The following ARFIP2 variants were observed in gnomAD, a reference collection of about 807,000 sequenced individuals.
ARFIP2 encodes ARF interacting protein 2.
Under a neutral mutation model 39.2 loss-of-function variants are expected in ARFIP2, and 14 were observed. That is an observed-to-expected ratio of 0.36 (90% CI 0.24 to 0.56). The LOEUF (loss-of-function observed/expected upper bound fraction) is 0.56, where lower values mean the gene tolerates loss of function less well. Among genes scored for constraint, ARFIP2 ranks in the 20% least tolerant of loss-of-function variants. The pLI is 0.85. For missense variants in ARFIP2, 305 were observed against 422.5 expected (o/e 0.72, Z 2.44); for synonymous variants, 167 against 172.4 (o/e 0.97, Z 0.24).
In ARFIP2 at chr11:6,476,919, G is replaced by A. The variant is rs994199243; in HGVS notation, c.*194C>T. 1.4e-5 allele frequency: 8 copies of A among 588,092 alleles called. No individual in the cohort carries two copies. The African/African-American group carries it at 1.5e-4, about 11-fold the overall frequency. The allele number at this position is 588,092 out of a possible 1,614,324, so 36.4% of individuals were successfully genotyped here. ...AGCCCTGTGGCCAGGAAGATAGACA[G>A]GGCAGCAACTTCTGGGCCTCCAGGC... On this transcript the variant is annotated 3_prime_UTR_variant, in exon 8 of 8. Coordinates refer to ENST00000396777, the MANE Select transcript of ARFIP2 (RefSeq NM_001376558.2).
In ARFIP2 at chr11:6,478,117, CAAA is replaced by C; in HGVS notation, c.616_618del (p.Phe206del). 1 of 1,614,084 alleles carries C rather than the reference CAAA, an allele frequency of 6.2e-7. No individual in the cohort carries two copies. Among genetic ancestry groups the C allele is most frequent in the Non-Finnish European group, 8.5e-7 (1 of 1,180,012 alleles). Reference sequence around the variant, plus strand: ...GTGACCAATGTGTTGATGCTAGAGACAAAGAAGTTCACGGCTCCTAGCAGCGTT... The same window carrying C: ...GTGACCAATGTGTTGATGCTAGAGACGAAGTTCACGGCTCCTAGCAGCGTT... On this transcript the variant is annotated inframe_deletion, in exon 6 of 8. Transcript: ENST00000396777. This position sits in a 1 kb window ranked among gnomAD's most constrained non-coding sequence, Gnocchi z 4.8.
In ARFIP2 at chr11:6,479,619, G is replaced by A; in HGVS notation, c.196+353C>T. On this transcript the variant is annotated intron_variant, in intron 3 of 7. Coordinates refer to ENST00000396777, the MANE Select transcript of ARFIP2 (RefSeq NM_001376558.2). ...TGTGGAATCTTAGTGTGAGATTCAG[G>A]GCTGTTTGTTCCTCTAAACTTTAGA... 3 of 556,696 alleles carry A rather than the reference G, an allele frequency of 5.4e-6. No homozygotes were observed. In the South Asian group the frequency reaches 6.9e-5, roughly 13 times the overall value. The allele number at this position is 556,696 out of a possible 1,614,324, so 34.5% of individuals were successfully genotyped here. A position where few individuals can be genotyped will look rare whatever the true frequency, so the allele number is the denominator to read the frequency against.
At chr11:6,479,530 G>C in intron 3 of ARFIP2, 2 of 610,336 alleles carry the variant, frequency 3.3e-6, no homozygotes. Flanking sequence ...AATACACTGA[G>C]TTTGGGGGCA....
rs1851372932 is a variant in ARFIP2, at chr11:6,478,643, T to A, written c.537+95A>T. On this transcript the variant is annotated intron_variant, in intron 5 of 7. Transcript: ENST00000396777. This position sits in a 1 kb window ranked among gnomAD's most constrained non-coding sequence, Gnocchi z 4.8. Reference sequence around the variant, plus strand: ...GGCTGGGCCCACCCTGAAGGGGTTCTCCCTGTGGGCTGCAGGAGGGAGGGA... The same window carrying A: ...GGCTGGGCCCACCCTGAAGGGGTTCACCCTGTGGGCTGCAGGAGGGAGGGA... 2 of 1,515,658 alleles carry A rather than the reference T, an allele frequency of 1.3e-6. No homozygotes were observed. The highest frequency in any genetic ancestry group is 8.9e-7 in the Non-Finnish European group (1 of 1,128,110). The allele number at this position is 1,515,658 out of a possible 1,614,324, so 93.9% of individuals were successfully genotyped here.
At position 6,478,986 on chromosome 11, in the gene ARFIP2, A is replaced by G; in HGVS notation, c.316-27T>C. Reference sequence around the variant, plus strand: ...TGATTGGGAAATGGGGGAATAAATCAGAGACCCTAACAGCCTCCCCACACA... The same window carrying G: ...TGATTGGGAAATGGGGGAATAAATCGGAGACCCTAACAGCCTCCCCACACA... On this transcript the variant is annotated intron_variant, in intron 4 of 7. Coordinates refer to ENST00000396777, the MANE Select transcript of ARFIP2 (RefSeq NM_001376558.2). The surrounding 1 kb of genome is among the most constrained non-coding windows in gnomAD (Gnocchi z 4.8). 1 of 1,610,824 alleles carries G rather than the reference A, an allele frequency of 6.2e-7. No homozygotes were observed. The highest frequency in any genetic ancestry group is 8.5e-7 in the Non-Finnish European group (1 of 1,177,412).
chr11:6,480,518 G>A, intron 1 of ARFIP2, 55 bp from the exon 2 acceptor site: 7 of 897,508 alleles, frequency 7.8e-6, no homozygotes, highest in Admixed American at 3.1e-5. Flanking sequence ...AGAAGAAGGA[G>A]GCCTCCTCTG....
Position 6,478,306 on chromosome 11 carries a change from G to T in ARFIP2, c.538-108C>A. ...CGGGGAGGACACAGCCAGCAAAACT[G>T]GAACAACCAAGGACTGCCTCCAGCA... On this transcript the variant is annotated intron_variant, in intron 5 of 7. Transcript: ENST00000396777. The surrounding 1 kb of genome is among the most constrained non-coding windows in gnomAD (Gnocchi z 4.8). 7.2e-7 allele frequency: 1 copy of T among 1,386,098 alleles called. No homozygotes were observed. The highest frequency in any genetic ancestry group is 1.3e-5 in the South Asian group (1 of 76,906). The allele number at this position is 1,386,098 out of a possible 1,614,324, so 85.9% of individuals were successfully genotyped here.
At chr11:6,479,526 C>T in intron 3 of ARFIP2, 1 of 616,828 alleles carries the variant, frequency 1.6e-6, no homozygotes, top group Non-Finnish European at 2.8e-6. Context: ...AGAAAATACA[C>T]TGAGTTTGGG....
At position 6,478,160 on chromosome 11, in the gene ARFIP2, T is replaced by A; in HGVS notation, c.576A>T (p.Leu192=). 1 of 1,614,062 alleles carries A rather than the reference T, an allele frequency of 6.2e-7. No homozygotes were observed. Among genetic ancestry groups the A allele is most frequent in the African/African-American group, 1.3e-5 (1 of 75,016 alleles). ...FGYNAETQKL[L]CKNGETLLGA... ...CTAGCAGCGTTTCCCCATTCTTGCATAGTAGTTTCTGTGTCTCTGCATTGT... is the reference window on the plus strand; with the variant it reads ...CTAGCAGCGTTTCCCCATTCTTGCAAAGTAGTTTCTGTGTCTCTGCATTGT... The change falls in exon 6 of 8, where the codon CTA becomes CTT. Residue 192 remains leucine (L), a synonymous_variant. Transcript: ENST00000396777. This position sits in a 1 kb window ranked among gnomAD's most constrained non-coding sequence, Gnocchi z 4.8.
rs958437692 is a variant in ARFIP2 at position 6,478,219 on chromosome 11, C to A, written c.538-21G>T. The A allele has an allele frequency of 2.8e-5, 45 of 1,613,456 alleles. No individual in the cohort carries two copies. Among genetic ancestry groups the A allele is most frequent in the Non-Finnish European group, 3.8e-5 (45 of 1,179,662 alleles). On this transcript the variant is annotated intron_variant, in intron 5 of 7. Coordinates refer to ENST00000396777, the MANE Select transcript of ARFIP2 (RefSeq NM_001376558.2). The surrounding 1 kb of genome is among the most constrained non-coding windows in gnomAD (Gnocchi z 4.8). Reference sequence around the variant, plus strand: ...TCCTCCTGAGGGCAGAAGGGAGGAACAGACCTTGAATAACACTCCCTACCT... The same window carrying A: ...TCCTCCTGAGGGCAGAAGGGAGGAAAAGACCTTGAATAACACTCCCTACCT...
chr11:6,481,270 G>A lies in ARFIP2; in HGVS notation c.-82C>T. On this transcript the variant is annotated 5_prime_UTR_variant, in exon 1 of 8. Coordinates refer to ENST00000396777, the MANE Select transcript of ARFIP2 (RefSeq NM_001376558.2). Reference sequence around the variant, plus strand: ...CTCTTCCCCTCAGGGCGCCAGGCCCGGGCCGCGCGGGGACCTCGGGCTCCA... The same window carrying A: ...CTCTTCCCCTCAGGGCGCCAGGCCCAGGCCGCGCGGGGACCTCGGGCTCCA... 1.6e-6 allele frequency: 1 copy of A among 620,684 alleles called. No homozygotes were observed. The highest frequency in any genetic ancestry group is 2.8e-6 in the Non-Finnish European group (1 of 357,606). The allele number at this position is 620,684 out of a possible 1,614,324, so 38.4% of individuals were successfully genotyped here. A position where few individuals can be genotyped will look rare whatever the true frequency, so the allele number is the denominator to read the frequency against.
Position 6,477,590 on chromosome 11 carries a change from T to G in ARFIP2, c.870+128A>C. The G allele has an allele frequency of 9.3e-7, 1 of 1,079,682 alleles. No homozygotes were observed. Among genetic ancestry groups the G allele is most frequent in the Non-Finnish European group, 1.3e-6 (1 of 763,602 alleles). The allele number at this position is 1,079,682 out of a possible 1,614,324, so 66.9% of individuals were successfully genotyped here. A position where few individuals can be genotyped will look rare whatever the true frequency, so the allele number is the denominator to read the frequency against. ...AGGGTGATCTGGAAAGGCCCAGGGG[T>G]TGAGGGGGTGAACACTCTACTCCCC... is the stretch of plus-strand genomic sequence containing the variant. On this transcript the variant is annotated intron_variant, in intron 7 of 7. Coordinates refer to ENST00000396777, the MANE Select transcript of ARFIP2 (RefSeq NM_001376558.2). This position sits in a 1 kb window ranked among gnomAD's most constrained non-coding sequence, Gnocchi z 4.8.
chr11:6,478,202 A>G lies in ARFIP2; in HGVS notation c.538-4T>C. Reference sequence around the variant, plus strand: ...CTGCATTGTAGCCAAATTCCTCCTGAGGGCAGAAGGGAGGAACAGACCTTG... The same window carrying G: ...CTGCATTGTAGCCAAATTCCTCCTGGGGGCAGAAGGGAGGAACAGACCTTG... On this transcript the variant is annotated splice_region_variant and splice_polypyrimidine_tract_variant and intron_variant, in intron 5 of 7. Transcript: ENST00000396777. This position sits in a 1 kb window ranked among gnomAD's most constrained non-coding sequence, Gnocchi z 4.8. The G allele has an allele frequency of 6.2e-7, 1 of 1,613,912 alleles. No homozygotes were observed. The highest frequency in any genetic ancestry group is 8.5e-7 in the Non-Finnish European group (1 of 1,179,940).
rs1329955382 is a variant in ARFIP2, at chr11:6,477,595, G to C, written c.870+123C>G. 3 of 1,132,454 alleles carry C rather than the reference G, an allele frequency of 2.6e-6. No individual in the cohort carries two copies. Among genetic ancestry groups the C allele is most frequent in the Non-Finnish European group, 3.7e-6 (3 of 806,918 alleles). 70.2% of individuals were successfully genotyped at this position (1,132,454 alleles called of 1,614,324 possible). ...GATCTGGAAAGGCCCAGGGGTTGAG[G>C]GGGTGAACACTCTACTCCCCAGCTA... On this transcript the variant is annotated intron_variant, in intron 7 of 7. Coordinates refer to ENST00000396777, the MANE Select transcript of ARFIP2 (RefSeq NM_001376558.2). This position sits in a 1 kb window ranked among gnomAD's most constrained non-coding sequence, Gnocchi z 4.8.
At chr11:6,480,994 G>A (rs1318428769) in intron 1 of ARFIP2, 1 of 179,660 alleles carries the variant, frequency 5.6e-6, no homozygotes, top group Non-Finnish European at 1.2e-5. Context: ...CTCCCCACCA[G>A]GCCTTAGTTA....
intron 3 of ARFIP2, 85 bp downstream of exon 3, chr11:6,479,887 A>C (rs1244745798): frequency 2.2e-6 from 3 of 1,340,212 alleles, no homozygotes; most frequent in Non-Finnish European, 1.1e-6. Context: ...GACATAATTC[A>C]AGCTTTCCTA....
chr11:6,479,320 C>T, intron 3 of ARFIP2, 62 bp from the exon 4 acceptor site: 1 of 1,612,466 alleles, frequency 6.2e-7, no homozygotes, highest in East Asian at 2.2e-5. Context: ...TCTGTGGCCC[C>T]ACCCATACTT....
At position 6,478,536 on chromosome 11, in the gene ARFIP2, C is replaced by A; in HGVS notation, c.537+202G>T. On this transcript the variant is annotated intron_variant, in intron 5 of 7. Coordinates refer to ENST00000396777, the MANE Select transcript of ARFIP2 (RefSeq NM_001376558.2). This position sits in a 1 kb window ranked among gnomAD's most constrained non-coding sequence, Gnocchi z 4.8. ...GGTTATTTGTGAGGCACCTAGTGTG[C>A]CCCCTCCCCCACCCCCTCCAACTTC... 7.0e-7 allele frequency: 1 copy of A among 1,420,684 alleles called. No homozygotes were observed. Among genetic ancestry groups the A allele is most frequent in the Non-Finnish European group, 9.2e-7 (1 of 1,086,036 alleles). 88.0% of individuals were successfully genotyped at this position (1,420,684 alleles called of 1,614,324 possible).
intron 3 of ARFIP2, chr11:6,479,593 A>G: frequency 1.7e-6 from 1 of 573,334 alleles, no homozygotes; most frequent in Non-Finnish European, 3.1e-6. Flanking sequence ...TTGCATTCCC[A>G]TGTGGAATCT....
Sources: allele counts gnomAD v4.1 joint callset, GRCh38; gene constraint gnomAD v4.1.1; non-coding constraint Gnocchi (gnomAD v3.1); transcripts MANE v1.5; gene names NCBI Gene and HGNC (gene_info 2026-07-23, HGNC 2026-07-21).